Variants in FKBP7 observed in about 807,000 individuals in gnomAD.
FKBP7 encodes FKBP prolyl isomerase 7.
In FKBP7, 24 loss-of-function variants were observed where a neutral mutation model predicts 24.3. The observed-to-expected ratio is 0.99, with a 90% CI of 0.72 to 1.39. The LOEUF (loss-of-function observed/expected upper bound fraction) is 1.39, where lower values mean the gene tolerates loss of function less well. Among genes scored for constraint, FKBP7 ranks in the 40% most tolerant of loss-of-function variants. The probability of loss-of-function intolerance (pLI) is 0.00; values close to 1 mark genes in which losing one functional copy is unlikely to be tolerated. For missense variants in FKBP7, 257 were observed against 269.5 expected (o/e 0.95, Z 0.33); for synonymous variants, 98 against 92.8 (o/e 1.06, Z -0.32).
intron 2 of FKBP7, chr2:178,473,206 T>C (rs895102235): frequency 3.4e-5 from 22 of 652,020 alleles, no homozygotes; most frequent in Non-Finnish European, 5.3e-5. Flanking sequence ...GCTTATTTAA[T>C]CAAGAGGTTG....
chr2:178,474,824 A>T (rs1385751281), intron 2 of FKBP7, among the ~76,000 whole-genome samples: 1 of 152,090 alleles, frequency 6.6e-6, no homozygotes, highest in Non-Finnish European at 1.5e-5. Context: ...AGTAGTTGGG[A>T]CCACAGGCGG....
chr2:178,471,686 A>T (rs1327565881), intron 2 of FKBP7, among the ~76,000 whole-genome samples: 1 of 152,228 alleles, frequency 6.6e-6, no homozygotes, highest in Non-Finnish European at 1.5e-5. Flanking sequence ...TTGCCGAATG[A>T]ATGACCCATA....
rs566762075 is a variant in FKBP7, at chr2:178,465,916, G to A, written c.523C>T (p.Gln175Ter). Residue 175 changes from glutamine to a stop codon, truncating the protein, a stop_gained, in exon 4 of 4, where the codon CAA becomes TAA. Transcript: ENST00000424785. LOFTEE classifies it high-confidence loss of function. Reference sequence around the variant, plus strand: ...TTCTCATCTTTTTCAAATTCCCTTTGCAAGTAGAGGTTTATCTGGAAGGCC... The same window carrying A: ...TTCTCATCTTTTTCAAATTCCCTTTACAAGTAGAGGTTTATCTGGAAGGCC... ...LSKAEINLYL[Q>*]REFEKDEKPR... 35 of 1,601,344 alleles carry A rather than the reference G, an allele frequency of 2.2e-5. No homozygotes were observed. The South Asian group carries it at 3.9e-4, about 18-fold the overall frequency.
rs1457402450 is a variant in FKBP7, at chr2:178,472,830, T to C, written c.374-3045A>G. 2.7e-5 allele frequency among the ~76,000 whole-genome samples: 3 copies of C among 112,978 alleles called. No individual in the cohort carries two copies. In the Admixed American group the frequency reaches 4.1e-4, roughly 16 times the overall value. 74.1% of individuals were successfully genotyped at this position (112,978 alleles called of 152,430 possible). Reference sequence around the variant, plus strand: ...TCACACCACTGCGCTCCAATCTGGGTGACAGAGCAAGACTCCATCTCAAAA... The same window carrying C: ...TCACACCACTGCGCTCCAATCTGGGCGACAGAGCAAGACTCCATCTCAAAA... On this transcript the variant is annotated intron_variant, in intron 2 of 3. Transcript: ENST00000424785.
intron 2 of FKBP7, among the ~76,000 whole-genome samples, chr2:178,472,741 C>T (rs973966175): frequency 3.4e-5 from 5 of 148,832 alleles, no homozygotes; most frequent in Admixed American, 6.8e-5. Flanking sequence ...CCCAGCTCCT[C>T]GGAGGCTGAG....
At chr2:178,471,502 C>T (rs1185632366) in intron 2 of FKBP7, among the ~76,000 whole-genome samples, 1 of 152,042 alleles carries the variant, frequency 6.6e-6, no homozygotes. Context: ...CGTGAGTCAC[C>T]GTGCCAGGCC....
intron 1 of FKBP7, 72 bp from the exon 2 acceptor site, chr2:178,477,285 A>G (rs1450111306): frequency 2.0e-6 from 3 of 1,469,314 alleles, no homozygotes; most frequent in Non-Finnish European, 1.9e-6. Context: ...TGGGCATTTA[A>G]AATTGGAGTC....
intron 3 of FKBP7, among the ~76,000 whole-genome samples, chr2:178,468,361 T>C (rs1684740645): frequency 6.6e-6 from 1 of 151,906 alleles, no homozygotes; most frequent in African/African-American, 2.4e-5. Flanking sequence ...AAGTTAAAAA[T>C]ATAGTAGTGG....
intron 3 of FKBP7, chr2:178,467,814 G>A (rs1684719071): frequency 6.6e-6 from 1 of 152,162 alleles, no homozygotes; most frequent in Non-Finnish European, 1.5e-5. Flanking sequence ...GTGGCTCTTG[G>A]TGTGCCTGTG....
Position 178,478,577 on chromosome 2 carries a change from G to A in FKBP7, c.-78C>T, listed in dbSNP as rs1575139093. On this transcript the variant is annotated 5_prime_UTR_variant, in exon 1 of 4. In the 5' UTR this introduces an upstream ATG that the reference lacks. Coordinates refer to ENST00000424785, the MANE Select transcript of FKBP7 (RefSeq NM_181342.3). ...ATGTCCCGCGGCCGAGTTCCGACGC[G>A]TGGCAGGCGTTGTCCTGCGTCACAA... is the stretch of plus-strand genomic sequence containing the variant. 2.5e-6 allele frequency: 4 copies of A among 1,583,978 alleles called. No homozygotes were observed. The highest frequency in any genetic ancestry group is 2.2e-5 in the East Asian group (1 of 44,756).
At chr2:178,472,477 A>G (rs1466809768) in intron 2 of FKBP7, among the ~76,000 whole-genome samples, 2 of 151,170 alleles carry the variant, frequency 1.3e-5, no homozygotes, top group Admixed American at 6.6e-5. Flanking sequence ...AGTGGCTTAT[A>G]CCACTTTTTT....
intron 2 of FKBP7, chr2:178,472,938 AATG>A (rs1411537345): frequency 2.4e-6 from 1 of 418,578 alleles, no homozygotes; most frequent in Non-Finnish European, 4.2e-6. Context: ...AAAGTATAAA[AATG>A]AGGAAAATAT....
intron 3 of FKBP7, among the ~76,000 whole-genome samples, chr2:178,468,869 CTT>C (rs770408622): frequency 2.7e-4 from 38 of 143,386 alleles, no homozygotes; most frequent in Non-Finnish European, 2.5e-4. Context: ...CTATTATTAT[CTT>C]TTTTTTTTTT....
intron 2 of FKBP7, among the ~76,000 whole-genome samples, chr2:178,472,325 T>C (rs1436226662): frequency 6.6e-6 from 1 of 152,016 alleles, no homozygotes; most frequent in African/African-American, 2.4e-5. Flanking sequence ...GCCACCCACC[T>C]CGGCCTCCCA....
intron 3 of FKBP7, 70 bp from the exon 4 acceptor site, chr2:178,466,001 A>T: frequency 7.6e-7 from 1 of 1,311,104 alleles, no homozygotes; most frequent in Non-Finnish European, 1.0e-6. Context: ...TTTAAGGAAT[A>T]GTTATAATAA....
chr2:178,465,085 A>G lies in FKBP7; in HGVS notation c.*685T>C, dbSNP rs929433951. On this transcript the variant is annotated 3_prime_UTR_variant, in exon 4 of 4. Coordinates refer to ENST00000424785, the MANE Select transcript of FKBP7 (RefSeq NM_181342.3). ...TACAATAATGTCTGAAGGAATACAA[A>G]AGCCAGGCAGTACAGTCTTTATGCT... is the stretch of plus-strand genomic sequence containing the variant. 6.6e-6 allele frequency: 1 copy of G among 152,214 alleles called. No homozygotes were observed. The allele number at this position is 152,214 out of a possible 1,614,324, so 9.4% of individuals were successfully genotyped here. A position where few individuals can be genotyped will look rare whatever the true frequency, so the allele number is the denominator to read the frequency against.
At chr2:178,468,953 A>G (rs1488652425) in intron 3 of FKBP7, among the ~76,000 whole-genome samples, 2 of 151,544 alleles carry the variant, frequency 1.3e-5, no homozygotes, top group Non-Finnish European at 2.9e-5. Context: ...TGCAGCCCCA[A>G]CCTCCTGGGC....
chr2:178,474,261 C>T (rs1182816527), intron 2 of FKBP7, among the ~76,000 whole-genome samples: 3 of 152,186 alleles, frequency 2.0e-5, no homozygotes, highest in African/African-American at 7.2e-5. Flanking sequence ...CAAGCAGCAA[C>T]ACGGAGCAAG....
Position 178,465,770 on chromosome 2 carries a change from C to CTA in FKBP7, c.667_668dup (p.Ter223TyrfsTer40). 2 of 1,567,268 alleles carry CTA rather than the reference C, an allele frequency of 1.3e-6. No individual in the cohort carries two copies. Among genetic ancestry groups the CTA allele is most frequent in the Non-Finnish European group, 1.7e-6 (2 of 1,161,428 alleles). ...AAAAAAAAGTAGAAATACAAATATG[C>CTA]TATAGTTCATCGTGTTGGTATACAT... On this transcript the variant is annotated frameshift_variant and stop_lost, in exon 4 of 4. Coordinates refer to ENST00000424785, the MANE Select transcript of FKBP7 (RefSeq NM_181342.3). LOFTEE classifies it high-confidence loss of function.
Sources: gnomAD v4.1 joint callset for allele counts (sites outside exome capture counted in the v4.1 genomes callset) on GRCh38, gnomAD v4.1.1 for gene constraint, MANE v1.5 for transcripts, NCBI Gene and HGNC (gene_info 2026-07-23, HGNC 2026-07-21) for gene names.